Variants in CC2D2A observed in about 807,000 individuals in gnomAD.
The protein encoded by CC2D2A is coiled-coil and C2 domain containing 2A.
CC2D2A carries 155 observed loss-of-function variants against 212.9 expected under a neutral mutation model. That is an observed-to-expected ratio of 0.73 (90% CI 0.64 to 0.83). The LOEUF (loss-of-function observed/expected upper bound fraction) is 0.83. CC2D2A is among the 40% of genes least tolerant of loss of function. The pLI is 0.00. For missense variants in CC2D2A, 1,856 were observed against 1,956.2 expected (o/e 0.95, Z 0.97); for synonymous variants, 667 against 686.5 (o/e 0.97, Z 0.44).
intron 19 of CC2D2A, 108 bp from the exon 20 acceptor site, chr4:15,554,964 C>T: frequency 1.1e-5 from 12 of 1,084,170 alleles, no homozygotes; most frequent in Non-Finnish European, 1.6e-5. Flanking sequence ...CATTTTCTCT[C>T]ATGGAGGATA....
intron 1 of CC2D2A, among the ~76,000 whole-genome samples, chr4:15,472,576 AT>A (rs988110969): frequency 4.0e-5 from 6 of 151,596 alleles, no homozygotes; most frequent in South Asian, 2.1e-4. Flanking sequence ...TTCTACTTCT[AT>A]TTTTTTCTTC....
intron 17 of CC2D2A, among the ~76,000 whole-genome samples, chr4:15,549,013 A>G (rs919100579): frequency 2.6e-5 from 4 of 152,246 alleles, no homozygotes; most frequent in African/African-American, 9.6e-5. Context: ...TATTATAAAA[A>G]TGGTATTGTA....
intron 20 of CC2D2A, among the ~76,000 whole-genome samples, chr4:15,555,460 C>T (rs889237174): frequency 5.9e-5 from 9 of 152,198 alleles, no homozygotes; most frequent in Admixed American, 4.6e-4. Flanking sequence ...TTAGCTCGGC[C>T]GGGCATGGTG....
At chr4:15,558,056 C>T (rs938128576) in intron 21 of CC2D2A, among the ~76,000 whole-genome samples, 4 of 152,110 alleles carry the variant, frequency 2.6e-5, no homozygotes, top group Admixed American at 1.3e-4. Flanking sequence ...GAGGGCAGAT[C>T]GCACCTCCAG....
At chr4:15,482,248 A>G (rs1030858772) in intron 4 of CC2D2A, 2 of 985,006 alleles carry the variant, frequency 2.0e-6, no homozygotes, top group Admixed American at 6.1e-5. Flanking sequence ...ATTAATAAAA[A>G]CAGAACCAAA....
intron 31 of CC2D2A, among the ~76,000 whole-genome samples, chr4:15,586,885 T>C (rs1287460005): frequency 6.6e-6 from 1 of 152,198 alleles, no homozygotes; most frequent in East Asian, 1.9e-4. Context: ...TAGCCCTAAA[T>C]TGAAGAAATT....
intron 28 of CC2D2A, among the ~76,000 whole-genome samples, chr4:15,573,408 A>G (rs924044714): frequency 7.9e-5 from 12 of 152,174 alleles, no homozygotes; most frequent in African/African-American, 2.9e-4. Flanking sequence ...GTCCTGTGTC[A>G]GCCTCCCAAG....
intron 4 of CC2D2A, chr4:15,481,544 T>G (rs1714664225): frequency 5.2e-6 from 1 of 192,612 alleles, no homozygotes; most frequent in South Asian, 8.7e-5. Context: ...GCCTGGAACC[T>G]CCTCCCCTCT....
At position 15,570,472 on chromosome 4, in the gene CC2D2A, T is replaced by C; in HGVS notation, c.3570T>C (p.Phe1190=). 1 of 1,604,980 alleles carries C rather than the reference T, an allele frequency of 6.2e-7. No individual in the cohort carries two copies. The highest frequency in any genetic ancestry group is 1.1e-5 in the South Asian group (1 of 89,426). The part of the protein sequence containing the change: ...RHWLGCVKMP[F]STIYFQARID... Reference sequence around the variant, plus strand: ...GGCTGGGATGTGTGAAAATGCCATTTAGCACAATATATTTCCAAGCAAGGG... The same window carrying C: ...GGCTGGGATGTGTGAAAATGCCATTCAGCACAATATATTTCCAAGCAAGGG... Residue 1190 remains phenylalanine, a synonymous_variant, in exon 28 of 37, where the codon TTT becomes TTC. Transcript: ENST00000424120.
At chr4:15,489,790 T>C (rs763466585) in intron 4 of CC2D2A, among the ~76,000 whole-genome samples, 2 of 152,204 alleles carry the variant, frequency 1.3e-5, no homozygotes, top group African/African-American at 4.8e-5. Context: ...CTTACTTGAC[T>C]TTCACAGCAT....
At chr4:15,561,921 C>A (rs746993890) in intron 23 of CC2D2A, among the ~76,000 whole-genome samples, 4 of 152,160 alleles carry the variant, frequency 2.6e-5, no homozygotes, top group African/African-American at 4.8e-5. Context: ...TACTAAGGAA[C>A]CTTCAGCAAA....
At chr4:15,513,112 T>C (rs1358525314) in intron 8 of CC2D2A, among the ~76,000 whole-genome samples, 3 of 152,234 alleles carry the variant, frequency 2.0e-5, no homozygotes, top group Admixed American at 6.5e-5. Flanking sequence ...CCCGGAAATG[T>C]ACTTTTTTTA....
At chr4:15,533,471 C>A in intron 14 of CC2D2A, 138 bp downstream of exon 14, 2 of 593,208 alleles carry the variant, frequency 3.4e-6, no homozygotes, top group Admixed American at 4.0e-5. Flanking sequence ...TAGAACATTG[C>A]ATACCTGAGC....
At chr4:15,470,689 C>CTCTATATATATAATA (rs1713728306) in intron 1 of CC2D2A, among the ~76,000 whole-genome samples, 3 of 50,668 alleles carry the variant, frequency 5.9e-5, no homozygotes. Flanking sequence ...CTCTCTCTCT[C>CTCTATATATATAATA]TATATATATA....
rs915290953 is a variant in CC2D2A, at chr4:15,557,458, A to C, written c.2780A>C (p.Tyr927Ser). The change falls in exon 21 of 37, where the codon TAT (tyrosine) becomes TCT (serine). Residue 927 changes from tyrosine to serine, a missense_variant. Physicochemically the swap from Tyr to Ser is moderately radical, Grantham distance 144. Coordinates refer to ENST00000424120, the MANE Select transcript of CC2D2A (RefSeq NM_001378615.1). ...RSQEVPEFRN[Y>S]KQVPVYDREI... ...CAAGAGGTGCCAGAATTCCGAAATT[A>C]TAAGCAAGTTCCAGTCTATGACCGA... 8 of 1,612,710 alleles carry C rather than the reference A, an allele frequency of 5.0e-6. No individual in the cohort carries two copies. The Admixed American group carries it at 8.4e-5, about 17-fold the overall frequency.
intron 1 of CC2D2A, among the ~76,000 whole-genome samples, chr4:15,474,484 C>T (rs985379394): frequency 7.2e-6 from 1 of 138,864 alleles, no homozygotes; most frequent in African/African-American, 2.7e-5. Flanking sequence ...TTAATGGATA[C>T]AAAAAAAAAA....
Position 15,601,313 on chromosome 4 carries a change from ATAATAT to A in CC2D2A, c.4753_4758del (p.Asn1585_Ile1586del). On this transcript the variant is annotated inframe_deletion, in exon 37 of 37. Coordinates refer to ENST00000424120, the MANE Select transcript of CC2D2A (RefSeq NM_001378615.1). ...GACGCTGTGTATAGTACTGGAGTACATAATATTGATGTTCCTAATGTTGAATTTGCT... is the reference window on the plus strand; with the variant it reads ...GACGCTGTGTATAGTACTGGAGTACATGATGTTCCTAATGTTGAATTTGCT... The A allele has an allele frequency of 1.2e-6, 2 of 1,611,734 alleles. No homozygotes were observed. The highest frequency in any genetic ancestry group is 1.7e-6 in the Non-Finnish European group (2 of 1,178,526).
At chr4:15,572,642 T>C (rs916697895) in intron 28 of CC2D2A, among the ~76,000 whole-genome samples, 5 of 151,864 alleles carry the variant, frequency 3.3e-5, no homozygotes, top group South Asian at 4.2e-4. Context: ...CAAATATCTA[T>C]AGTGCCTGTA....
chr4:15,556,738 A>T (rs1719298805), intron 20 of CC2D2A, among the ~76,000 whole-genome samples: 2 of 152,206 alleles, frequency 1.3e-5, no homozygotes, highest in Admixed American at 1.3e-4. Flanking sequence ...CAGAGGTGCC[A>T]GACTTGGCCT....
Sources: gnomAD v4.1 joint callset for allele counts (sites outside exome capture counted in the v4.1 genomes callset) on GRCh38, gnomAD v4.1.1 for gene constraint, MANE v1.5 for transcripts, NCBI Gene and HGNC (gene_info 2026-07-23, HGNC 2026-07-21) for gene names.